The following KLHL14 variants were observed in gnomAD, a reference collection of about 807,000 sequenced individuals.
KLHL14 encodes kelch like family member 14.
A neutral mutation model predicts 64.3 loss-of-function variants in KLHL14; 22 were observed. That is an observed-to-expected ratio of 0.34 (90% CI 0.24 to 0.49). The LOEUF is 0.49. Among genes scored for constraint, KLHL14 ranks in the 20% least tolerant of loss-of-function variants. KLHL14 has a pLI of 0.99. For synonymous variants in KLHL14, 322 were observed against 333.4 expected, an observed-to-expected ratio of 0.97 and a Z score of 0.37; for missense variants, 661 against 789.0, an observed-to-expected ratio of 0.84 and a Z score of 1.94.
Position 32,741,956 on chromosome 18 carries a change from A to G in KLHL14, c.1041T>C (p.Asp347=), listed in dbSNP as rs780760371. The G allele has an allele frequency of 5.0e-6, 8 of 1,608,148 alleles. No individual in the cohort carries two copies. In the Admixed American group the frequency reaches 1.2e-4, roughly 24 times the overall value. ...LPSNLVQYYD[D]EKKTWKILTI... ...TGAGTATTTTCCATGTCTTCTTTTC[A>G]TCGTCGTAATACTGAACCAAATTGC... The change falls in exon 3 of 9, where the codon GAT becomes GAC. Residue 347 remains aspartate (D), a synonymous_variant. Transcript: ENST00000359358.
intron 2 of KLHL14, among the ~76,000 whole-genome samples, chr18:32,752,987 G>GTGTC (rs2051630237): frequency 1.5e-5 from 2 of 135,978 alleles, no homozygotes; most frequent in Non-Finnish European, 3.3e-5. Flanking sequence ...GTGTGTGTGT[G>GTGTC]TGTGTGTGTC....
intron 3 of KLHL14, among the ~76,000 whole-genome samples, chr18:32,721,973 G>A (rs1232798192): frequency 1.3e-5 from 2 of 152,108 alleles, no homozygotes; most frequent in Non-Finnish European, 1.5e-5. Context: ...GGAGGGATCC[G>A]GTGGGAGGTA....
chr18:32,733,905 C>T (rs1806683741), intron 3 of KLHL14: 1 of 478,580 alleles, frequency 2.1e-6, no homozygotes, highest in Middle Eastern at 5.7e-4. Context: ...TGATCCTGTC[C>T]CTATTCCATC....
chr18:32,766,167 G>C (rs968575129), intron 2 of KLHL14, among the ~76,000 whole-genome samples: 2 of 151,808 alleles, frequency 1.3e-5, no homozygotes, highest in African/African-American at 4.8e-5. Context: ...TCGTTATATT[G>C]TGTGAGGTGC....
At chr18:32,684,620 T>C (rs2049862393) in intron 5 of KLHL14, among the ~76,000 whole-genome samples, 1 of 152,164 alleles carries the variant, frequency 6.6e-6, no homozygotes, top group Non-Finnish European at 1.5e-5. Context: ...TTTTCATTAT[T>C]CTCAATTGGT....
intron 3 of KLHL14, among the ~76,000 whole-genome samples, chr18:32,739,555 G>T (rs1272399239): frequency 6.6e-6 from 1 of 151,914 alleles, no homozygotes; most frequent in East Asian, 1.9e-4. Context: ...GTTAAGTAGA[G>T]TAAACATTTA....
chr18:32,746,203 G>T (rs900974714), intron 2 of KLHL14, among the ~76,000 whole-genome samples: 4 of 152,126 alleles, frequency 2.6e-5, no homozygotes, highest in African/African-American at 9.7e-5. Flanking sequence ...AGGAATAAAA[G>T]AAATGTAAAC....
At chr18:32,711,412 A>G (rs1021590653) in intron 3 of KLHL14, among the ~76,000 whole-genome samples, 15 of 152,218 alleles carry the variant, frequency 9.9e-5, no homozygotes, top group Non-Finnish European at 1.8e-4. Context: ...ACTGTTTACA[A>G]TACAACCTAT....
chr18:32,758,122 T>TG (rs1332241666), intron 2 of KLHL14, among the ~76,000 whole-genome samples: 1 of 152,092 alleles, frequency 6.6e-6, no homozygotes, highest in Non-Finnish European at 1.5e-5. Context: ...TGTTGTTTTT[T>TG]TTTGTTTGTT....
intron 3 of KLHL14, among the ~76,000 whole-genome samples, chr18:32,729,278 C>T (rs549485978): frequency 6.6e-6 from 1 of 152,136 alleles, no homozygotes; most frequent in Admixed American, 6.5e-5. Context: ...AATGTGAACT[C>T]TCTACTACCT....
At chr18:32,744,636 C>T (rs1421889706) in intron 2 of KLHL14, 1 of 152,178 alleles carries the variant, frequency 6.6e-6, no homozygotes, top group African/African-American at 2.4e-5. Flanking sequence ...AAGAACAAAA[C>T]TCCATCTCAA....
chr18:32,757,723 C>T (rs906562855), intron 2 of KLHL14, among the ~76,000 whole-genome samples: 1 of 151,954 alleles, frequency 6.6e-6, no homozygotes, highest in Middle Eastern at 3.4e-3. Flanking sequence ...TTTGCTTATC[C>T]AAGTCCAGAA....
chr18:32,706,421 A>G (rs1040658147), intron 3 of KLHL14, among the ~76,000 whole-genome samples: 3 of 152,188 alleles, frequency 2.0e-5, no homozygotes, highest in Non-Finnish European at 4.4e-5. Context: ...GAACAATATG[A>G]TGAATCCCTT....
At chr18:32,709,076 T>C (rs2050005253) in intron 3 of KLHL14, among the ~76,000 whole-genome samples, 1 of 152,192 alleles carries the variant, frequency 6.6e-6, no homozygotes. Flanking sequence ...TCACTTCTAT[T>C]CAGTCATTTC....
rs56135629 is a variant in KLHL14, at chr18:32,693,413, C to CAGAGAG, written c.1159+2044_1159+2049dup. The stretch of plus-strand genomic sequence containing the variant: ...ACACACACACACACACACACACACA[C>CAGAGAG]AGAGAGAGAGAGAGAGAGAGAGAGA... On this transcript the variant is annotated intron_variant, in intron 4 of 8. Transcript: ENST00000359358. Among the ~76,000 whole-genome samples the CAGAGAG allele has an allele frequency of 5.2e-4, 50 of 97,030 alleles. 2 individuals are homozygous for CAGAGAG. Among genetic ancestry groups the CAGAGAG allele is most frequent in the South Asian group, 2.3e-3 (6 of 2,654 alleles). 63.7% of individuals were successfully genotyped at this position (97,030 alleles called of 152,430 possible).
chr18:32,693,955 A>T (rs2049924522), intron 4 of KLHL14, among the ~76,000 whole-genome samples: 1 of 152,050 alleles, frequency 6.6e-6, no homozygotes, highest in African/African-American at 2.4e-5. Flanking sequence ...AACAGCAAGT[A>T]GTTACAGGTG....
chr18:32,680,557 G>A lies in KLHL14; in HGVS notation c.1281C>T (p.Tyr427=), dbSNP rs149441331. The change falls in exon 6 of 9, where the codon TAC becomes TAT. Residue 427 remains tyrosine, a synonymous_variant. Coordinates refer to ENST00000359358, the MANE Select transcript of KLHL14 (RefSeq NM_020805.3). This position sits in a 1 kb window ranked among gnomAD's most constrained non-coding sequence, Gnocchi z 4.8. The part of the protein sequence containing the change: ...FYACRLDKHL[Y]VIGGRNETGY... ...CAGTTTCATTCCTTCCACCAATTACGTATAAATGCTTGTCCAACCGACATG... is the reference window on the plus strand; with the variant it reads ...CAGTTTCATTCCTTCCACCAATTACATATAAATGCTTGTCCAACCGACATG... 1.1e-4 allele frequency: 176 copies of A among 1,613,346 alleles called. No homozygotes were observed. The African/African-American group carries it at 2.0e-3, about 19-fold the overall frequency.
At chr18:32,753,664 G>A (rs1484640536) in intron 2 of KLHL14, among the ~76,000 whole-genome samples, 5 of 152,068 alleles carry the variant, frequency 3.3e-5, no homozygotes, top group Non-Finnish European at 7.3e-5. Context: ...CCAAGGATCA[G>A]GACGAGTTTA....
At chr18:32,712,834 C>T (rs570356139) in intron 3 of KLHL14, among the ~76,000 whole-genome samples, 44 of 152,242 alleles carry the variant, frequency 2.9e-4, no homozygotes, top group Non-Finnish European at 2.1e-4. Context: ...TGTCACTTCT[C>T]GATGCTCATC....
Sources: gnomAD v4.1 joint callset for allele counts (sites outside exome capture counted in the v4.1 genomes callset) on GRCh38, gnomAD v4.1.1 for gene constraint, Gnocchi (gnomAD v3.1) non-coding constraint, MANE v1.5 for transcripts, NCBI Gene and HGNC (gene_info 2026-07-23, HGNC 2026-07-21) for gene names.